ADARB2: variants seen among roughly 807,000 people sequenced by gnomAD.
The protein encoded by ADARB2 is inactive double-stranded RNA-specific editase B2.
ADARB2 carries 25 observed loss-of-function variants against 62.2 expected under a neutral mutation model. The observed-to-expected ratio is 0.40, with a 90% CI of 0.29 to 0.56. The LOEUF is 0.56. ADARB2 is among the 20% of genes least tolerant of loss of function. The pLI, the probability that ADARB2 is intolerant of heterozygous loss-of-function variation, is 0.43. For missense variants in ADARB2, 1,071 were observed against 1,077.4 expected, an observed-to-expected ratio of 0.99 and a Z score of 0.08; for synonymous variants, 572 against 500.8, an observed-to-expected ratio of 1.14 and a Z score of -1.90.
chr10:1,219,831 GTGGTGATGATGA>G (rs1484724246), intron 6 of ADARB2, among the ~76,000 whole-genome samples: 1 of 133,680 alleles, frequency 7.5e-6, no homozygotes, highest in African/African-American at 2.8e-5. Context: ...GGTAATGATG[GTGGTGATGATGA>G]TGGTGATGGT....
chr10:1,578,206 A>C (rs2131998355), intron 1 of ADARB2, among the ~76,000 whole-genome samples: 1 of 152,306 alleles, frequency 6.6e-6, no homozygotes, highest in African/African-American at 2.4e-5. Context: ...CCCGCAGCGG[A>C]ACAGATGGCA....
intron 1 of ADARB2, among the ~76,000 whole-genome samples, chr10:1,459,488 C>T (rs574664210): frequency 3.6e-4 from 55 of 151,440 alleles, no homozygotes; most frequent in Middle Eastern, 3.4e-3. Context: ...AAGGGCCAGG[C>T]GCAGTGGCTT....
At chr10:1,709,158 A>G (rs1834924321) in intron 1 of ADARB2, among the ~76,000 whole-genome samples, 1 of 152,186 alleles carries the variant, frequency 6.6e-6, no homozygotes, top group African/African-American at 2.4e-5. Flanking sequence ...GTGGAGACCT[A>G]CTTATGTTGC....
At chr10:1,435,835 C>T (rs2131892287) in intron 1 of ADARB2, among the ~76,000 whole-genome samples, 1 of 152,310 alleles carries the variant, frequency 6.6e-6, no homozygotes, top group East Asian at 1.9e-4. Context: ...CATAATACGA[C>T]ATTCAGCAAA....
At chr10:1,188,389 G>A (rs1836792746) in intron 8 of ADARB2, 1 of 152,218 alleles carries the variant, frequency 6.6e-6, no homozygotes, top group Non-Finnish European at 1.5e-5. Flanking sequence ...TGTGTCCAGG[G>A]AACGGAGGAA....
chr10:1,304,661 A>G (rs1831609085), intron 3 of ADARB2, among the ~76,000 whole-genome samples: 1 of 150,536 alleles, frequency 6.6e-6, no homozygotes, highest in East Asian at 2.0e-4. Flanking sequence ...AAGAACAGAC[A>G]TTATAACAAA....
At position 1,184,878 on chromosome 10, in the gene ADARB2, C is replaced by T; in HGVS notation, c.2026G>A (p.Ala676Thr). The T allele has an allele frequency of 2.5e-6, 4 of 1,613,412 alleles. No individual in the cohort carries two copies. Among genetic ancestry groups the T allele is most frequent in the Non-Finnish European group, 3.4e-6 (4 of 1,179,890 alleles). ...LCKHVLSARWARLYGRLSTRT... is the reference protein window; with the variant it reads ...LCKHVLSARWTRLYGRLSTRT... Reference sequence around the variant, plus strand: ...CGACCTACCCTGCCATACAGCCGCGCCCACCGTGCAGACAGCACGTGCTTG... The same window carrying T: ...CGACCTACCCTGCCATACAGCCGCGTCCACCGTGCAGACAGCACGTGCTTG... Residue 676 changes from alanine (A) to threonine (T), a missense_variant, in exon 9 of 10, where the codon GCG becomes ACG. Ala to Thr is a moderately conservative substitution (Grantham distance 58, BLOSUM62 0). Coordinates refer to ENST00000381312, the MANE Select transcript of ADARB2 (RefSeq NM_018702.4).
chr10:1,393,125 G>A (rs867562374), intron 1 of ADARB2, among the ~76,000 whole-genome samples: 2 of 152,172 alleles, frequency 1.3e-5, no homozygotes, highest in African/African-American at 4.8e-5. Context: ...GCAACTAGTC[G>A]CACAGCCAAA....
intron 1 of ADARB2, among the ~76,000 whole-genome samples, chr10:1,512,508 T>C (rs1831949405): frequency 6.6e-6 from 1 of 152,208 alleles, no homozygotes; most frequent in African/African-American, 2.4e-5. Context: ...AGCAACAGAA[T>C]GAGGTCAGTA....
At chr10:1,260,040 A>G (rs1831118917) in intron 4 of ADARB2, among the ~76,000 whole-genome samples, 1 of 152,210 alleles carries the variant, frequency 6.6e-6, no homozygotes, top group African/African-American at 2.4e-5. Context: ...ACAGAACCAA[A>G]GGCAAAAACC....
chr10:1,401,363 T>C (rs530842697), intron 1 of ADARB2, among the ~76,000 whole-genome samples: 47 of 152,348 alleles, frequency 3.1e-4, no homozygotes, highest in African/African-American at 1.1e-3. Context: ...CCTTCGGTCA[T>C]GCTGCGGGAA....
At chr10:1,572,773 C>T (rs1832958474) in intron 1 of ADARB2, among the ~76,000 whole-genome samples, 1 of 152,208 alleles carries the variant, frequency 6.6e-6, no homozygotes, top group Non-Finnish European at 1.5e-5. Context: ...GTGCTGCAGC[C>T]TGGGCTCCCC....
intron 1 of ADARB2, among the ~76,000 whole-genome samples, chr10:1,406,576 T>TTTCAAACTTTGGTGGGTCC (rs1478652155): frequency 6.6e-6 from 1 of 152,244 alleles, no homozygotes; most frequent in Non-Finnish European, 1.5e-5. Flanking sequence ...TTGATGGGTC[T>TTTCAAACTTTGGTGGGTCC]TTCAAACTTT....
chr10:1,491,347 G>T (rs1284939837), intron 1 of ADARB2, among the ~76,000 whole-genome samples: 2 of 152,174 alleles, frequency 1.3e-5, no homozygotes, highest in Non-Finnish European at 2.9e-5. Context: ...TAGGATTACA[G>T]GCATGAGCCA....
At chr10:1,308,613 C>CA (rs1242353041) in intron 3 of ADARB2, among the ~76,000 whole-genome samples, 1 of 152,216 alleles carries the variant, frequency 6.6e-6, no homozygotes, top group African/African-American at 2.4e-5. Context: ...TTTGCACTCC[C>CA]ACCAGCAGCG....
At chr10:1,683,392 A>G (rs867037653) in intron 1 of ADARB2, among the ~76,000 whole-genome samples, 3 of 152,264 alleles carry the variant, frequency 2.0e-5, no homozygotes, top group Non-Finnish European at 2.9e-5. Flanking sequence ...ACAAACTCAC[A>G]TGAAAAACTT....
intron 8 of ADARB2, chr10:1,187,972 C>A (rs757122503): frequency 1.5e-4 from 34 of 224,734 alleles, no homozygotes; most frequent in Non-Finnish European, 3.3e-4. Flanking sequence ...TACAACAGCC[C>A]CGCAGGCTAC....
At position 1,270,824 on chromosome 10, in the gene ADARB2, TATA is replaced by T; in HGVS notation, c.1192+128_1192+130del. On this transcript the variant is annotated intron_variant, in intron 4 of 9. Transcript: ENST00000381312. ...TCTGGCCACTGATCTCTGTATATGC[TATA>T]ATATTTTGTCTTTCTTTGTCACAGC... 11 of 759,250 alleles carry T rather than the reference TATA, an allele frequency of 1.4e-5. No individual in the cohort carries two copies. The South Asian group carries it at 1.7e-4, about 12-fold the overall frequency. The allele number at this position is 759,250 out of a possible 1,614,324, so 47.0% of individuals were successfully genotyped here. A position where few individuals can be genotyped will look rare whatever the true frequency, so the allele number is the denominator to read the frequency against.
At chr10:1,727,125 T>C (rs1343083023) in intron 1 of ADARB2, among the ~76,000 whole-genome samples, 1 of 152,234 alleles carries the variant, frequency 6.6e-6, no homozygotes, top group Non-Finnish European at 1.5e-5. Context: ...TTTGTAAATG[T>C]ACAATGTAAA....
Sources: gnomAD v4.1 joint callset for allele counts (sites outside exome capture counted in the v4.1 genomes callset) on GRCh38, gnomAD v4.1.1 for gene constraint, MANE v1.5 for transcripts, NCBI Gene and HGNC (gene_info 2026-07-23, HGNC 2026-07-21) for gene names.